MYO16: variants seen among roughly 807,000 people sequenced by gnomAD.
The protein encoded by MYO16 is unconventional myosin-XVI.
In MYO16, 94 loss-of-function variants were observed where a neutral mutation model predicts 205.3. That is an observed-to-expected ratio of 0.46 (90% CI 0.39 to 0.54). The LOEUF is 0.54. Among genes scored for constraint, MYO16 ranks in the 20% least tolerant of loss-of-function variants. The pLI is 0.00. For synonymous variants in MYO16, 988 were observed against 954.0 expected (o/e 1.04, Z -0.66); for missense variants, 2,315 against 2,387.5 (o/e 0.97, Z 0.63).
At chr13:108,837,457 T>C (rs978945156) in intron 9 of MYO16, among the ~76,000 whole-genome samples, 1 of 152,204 alleles carries the variant, frequency 6.6e-6, no homozygotes, top group African/African-American at 2.4e-5. Flanking sequence ...TAAGCTATGA[T>C]ATAATTGAGT....
intron 25 of MYO16, chr13:109,054,241 TC>T (rs1887342554): frequency 7.5e-6 from 2 of 266,524 alleles, no homozygotes; most frequent in Non-Finnish European, 1.5e-5. Context: ...ATGATCTTTT[TC>T]TTTTCAGGGC....
intron 23 of MYO16, among the ~76,000 whole-genome samples, chr13:109,045,220 T>G (rs1887002444): frequency 6.6e-6 from 1 of 152,186 alleles, no homozygotes; most frequent in Admixed American, 6.5e-5. Flanking sequence ...ACCTCAGCAC[T>G]ATGAACATTT....
chr13:108,574,711 G>A, the MYO16 span, among the ~76,000 whole-genome samples: 9 of 80,456 alleles, frequency 1.1e-4, no homozygotes, highest in East Asian at 3.0e-4. Context: ...GTGTGTGTGC[G>A]CTTGTGTGTA....
intron 32 of MYO16, among the ~76,000 whole-genome samples, chr13:109,163,599 T>A (rs544233216): frequency 6.7e-6 from 1 of 150,034 alleles, no homozygotes; most frequent in Non-Finnish European, 1.5e-5. Context: ...CTTCCCTCCC[T>A]GTCTCCTTCC....
rs1013750810 is a variant in MYO16, at chr13:109,057,400, C to T, written c.3335+1805C>T. 5.3e-5 allele frequency among the ~76,000 whole-genome samples: 8 copies of T among 152,188 alleles called. No individual in the cohort carries two copies. The South Asian group carries it at 1.7e-3, about 32-fold the overall frequency. On this transcript the variant is annotated intron_variant, in intron 27 of 34. Coordinates refer to ENST00000457511, the MANE Select transcript of MYO16 (RefSeq NM_001198950.3). ...ATTTGTGTTTAAAATTTAAAAGGTG[C>T]TTGTAAATGAGATAATAGACATGTT...
At chr13:108,850,806 C>T (rs527446738) in intron 10 of MYO16, among the ~76,000 whole-genome samples, 1 of 152,202 alleles carries the variant, frequency 6.6e-6, no homozygotes, top group African/African-American at 2.4e-5. Context: ...TGCTCTCACA[C>T]TGGCTCTGCC....
At chr13:108,677,333 G>GTATATATATATATATA (rs1882260377) in intron 2 of MYO16, among the ~76,000 whole-genome samples, 2 of 101,166 alleles carry the variant, frequency 2.0e-5, no homozygotes, top group South Asian at 5.4e-4. Flanking sequence ...GTGTGTGTGT[G>GTATATATATATATATA]TGTATATATA....
chr13:108,842,786 CAA>C (rs2139068932), intron 9 of MYO16, among the ~76,000 whole-genome samples: 1 of 152,142 alleles, frequency 6.6e-6, no homozygotes, highest in African/African-American at 2.4e-5. Context: ...ATCAAGATCT[CAA>C]AGAGGTATGT....
At chr13:108,555,028 T>A in the MYO16 span, among the ~76,000 whole-genome samples, 1 of 152,120 alleles carries the variant, frequency 6.6e-6, no homozygotes, top group African/African-American at 2.4e-5. Context: ...ATTGGAAATC[T>A]AGCAGGTATT....
At chr13:109,092,682 C>T (rs1359517361) in intron 27 of MYO16, among the ~76,000 whole-genome samples, 1 of 152,096 alleles carries the variant, frequency 6.6e-6, no homozygotes, top group South Asian at 2.1e-4. Context: ...CACATGTTTA[C>T]CTATGTAACA....
intron 2 of MYO16, among the ~76,000 whole-genome samples, chr13:108,709,327 G>A (rs1594229542): frequency 6.6e-6 from 1 of 152,238 alleles, no homozygotes; most frequent in East Asian, 1.9e-4. Flanking sequence ...TAATTCTGAG[G>A]CCAATAAAAT....
intron 34 of MYO16, among the ~76,000 whole-genome samples, chr13:109,194,149 C>T (rs1173873187): frequency 6.6e-6 from 1 of 152,082 alleles, no homozygotes; most frequent in South Asian, 2.1e-4. Context: ...TGTCTTGTTA[C>T]CCAATTTGAA....
chr13:108,863,030 G>T (rs1326835037), intron 11 of MYO16, among the ~76,000 whole-genome samples: 1 of 152,082 alleles, frequency 6.6e-6, no homozygotes, highest in East Asian at 1.9e-4. Flanking sequence ...AATATATAGA[G>T]AATACAATTT....
At chr13:108,676,442 C>G (rs1035092665) in intron 2 of MYO16, among the ~76,000 whole-genome samples, 1 of 148,390 alleles carries the variant, frequency 6.7e-6, no homozygotes, top group Non-Finnish European at 1.5e-5. Context: ...TACATATTGT[C>G]TCATTTAATC....
chr13:108,961,797 T>A (rs1168810373), intron 18 of MYO16, 141 bp downstream of exon 18: 12 of 656,660 alleles, frequency 1.8e-5, no homozygotes, highest in Non-Finnish European at 3.2e-5. Context: ...GGGGGGAAAT[T>A]GTCTACTTTG....
chr13:109,120,501 T>C, intron 29 of MYO16, 35 bp downstream of exon 29: 1 of 1,549,830 alleles, frequency 6.5e-7, no homozygotes, highest in Non-Finnish European at 8.9e-7. Context: ...TGAATTTATT[T>C]GAGTTGTGAA....
intron 34 of MYO16, among the ~76,000 whole-genome samples, chr13:109,204,383 G>A (rs578104514): frequency 7.9e-5 from 12 of 152,212 alleles, no homozygotes; most frequent in Non-Finnish European, 1.5e-4. Context: ...GTGTGCCAAG[G>A]AACATAAATA....
At chr13:108,661,968 A>G (rs1039725167) in intron 1 of MYO16, among the ~76,000 whole-genome samples, 26 of 152,124 alleles carry the variant, frequency 1.7e-4, no homozygotes, top group African/African-American at 5.1e-4. Flanking sequence ...CTTCTGTCCT[A>G]TGGGGTGTTC....
intron 27 of MYO16, among the ~76,000 whole-genome samples, chr13:109,093,045 A>G (rs1333080663): frequency 4.6e-5 from 7 of 152,316 alleles, no homozygotes; most frequent in African/African-American, 1.7e-4. Flanking sequence ...TTATAGTCAC[A>G]ATACGTGAAT....
Sources: allele counts gnomAD v4.1 joint callset (sites outside exome capture counted in the v4.1 genomes callset), GRCh38; gene constraint gnomAD v4.1.1; transcripts MANE v1.5; gene names NCBI Gene and HGNC (gene_info 2026-07-23, HGNC 2026-07-21).